The following IMMP2L variants were observed in gnomAD, a reference collection of about 807,000 sequenced individuals.
The protein encoded by IMMP2L is mitochondrial inner membrane protease subunit 2.
IMMP2L carries 18 observed loss-of-function variants against 19.3 expected under a neutral mutation model. That is an observed-to-expected ratio of 0.93 (90% CI 0.64 to 1.38). The LOEUF is 1.38. Among genes scored for constraint, IMMP2L ranks in the 40% most tolerant of loss-of-function variants. The pLI is 0.00. For missense variants in IMMP2L, 233 were observed against 218.2 expected (o/e 1.07, Z -0.43); for synonymous variants, 76 against 73.0 (o/e 1.04, Z -0.21).
intron 5 of IMMP2L, among the ~76,000 whole-genome samples, chr7:110,748,592 CCA>C (rs1797516267): frequency 1.3e-5 from 2 of 152,070 alleles, no homozygotes; most frequent in Non-Finnish European, 2.9e-5. Flanking sequence ...AGAAATAATG[CCA>C]CACATACACA....
rs146065407 is a variant in IMMP2L, at chr7:111,525,831, C to G, written c.-2-4382G>C. Among the ~76,000 whole-genome samples, 511 of 152,120 alleles carry G rather than the reference C, an allele frequency of 3.4e-3. 2 individuals carry two copies. Among genetic ancestry groups the G allele is most frequent in the African/African-American group, 0.012 (481 of 41,520 alleles). ...CAAACAAGCAGATGTGCTCCCTGCCCTCAAGGAGTTACAATATACCAAGGA... is the reference window on the plus strand; with the variant it reads ...CAAACAAGCAGATGTGCTCCCTGCCGTCAAGGAGTTACAATATACCAAGGA... On this transcript the variant is annotated intron_variant, in intron 1 of 5. Transcript: ENST00000405709.
chr7:111,396,142 A>G (rs1832841358), intron 3 of IMMP2L, among the ~76,000 whole-genome samples: 1 of 152,180 alleles, frequency 6.6e-6, no homozygotes, highest in Non-Finnish European at 1.5e-5. Context: ...GTATATACCC[A>G]AAGGATTATA....
At chr7:110,850,522 G>A (rs970573253) in intron 5 of IMMP2L, among the ~76,000 whole-genome samples, 2 of 152,030 alleles carry the variant, frequency 1.3e-5, no homozygotes, top group African/African-American at 2.4e-5. Flanking sequence ...TGGCTGCACT[G>A]CCTATGAGTT....
Position 110,733,546 on chromosome 7 carries a change from C to T in IMMP2L, c.409-69825G>A, listed in dbSNP as rs370064502. ...AGGAAGGAAGAGAAAGAGAGAAGGA[C>T]AGATTTTAGAAGCCAATTCCCAATC... On this transcript the variant is annotated intron_variant, in intron 5 of 5. Coordinates refer to ENST00000405709, the MANE Select transcript of IMMP2L (RefSeq NM_032549.4). 5.6e-4 allele frequency among the ~76,000 whole-genome samples: 85 copies of T among 150,592 alleles called. 2 individuals are homozygous for T. The highest frequency in any genetic ancestry group is 2.0e-3 in the African/African-American group (83 of 41,218).
At chr7:110,939,641 A>G (rs954116323) in intron 4 of IMMP2L, among the ~76,000 whole-genome samples, 3 of 152,170 alleles carry the variant, frequency 2.0e-5, no homozygotes, top group Non-Finnish European at 1.5e-5. Flanking sequence ...TGTTTATGGA[A>G]GATAACAAAT....
At chr7:111,041,315 C>T (rs1030670109) in intron 3 of IMMP2L, among the ~76,000 whole-genome samples, 6 of 151,958 alleles carry the variant, frequency 3.9e-5, no homozygotes, top group African/African-American at 1.5e-4. Context: ...ATTTGTTTCA[C>T]AAAATGAGTA....
intron 5 of IMMP2L, among the ~76,000 whole-genome samples, chr7:110,816,538 G>T (rs905756243): frequency 4.0e-5 from 6 of 151,574 alleles, no homozygotes; most frequent in South Asian, 2.1e-4. Flanking sequence ...TTTCTGTCTC[G>T]TTGATCTGTC....
chr7:111,001,073 G>A (rs1474136046), intron 3 of IMMP2L, among the ~76,000 whole-genome samples: 1 of 152,094 alleles, frequency 6.6e-6, no homozygotes, highest in Non-Finnish European at 1.5e-5. Flanking sequence ...TCAAGTTGTT[G>A]GTAATGTGTA....
chr7:110,774,805 C>T (rs1799268825), intron 5 of IMMP2L, among the ~76,000 whole-genome samples: 1 of 151,986 alleles, frequency 6.6e-6, no homozygotes, highest in Admixed American at 6.6e-5. Context: ...ATAATGTTTG[C>T]ACAATGACAA....
rs142144847 is a variant in IMMP2L at position 111,413,941 on chromosome 7, TCA to T, written c.239+73295_239+73296del. Among the ~76,000 whole-genome samples the T allele has an allele frequency of 2.2e-4, 34 of 151,888 alleles. 1 individual carries two copies. The East Asian group carries it at 6.4e-3, about 28-fold the overall frequency. ...GCATCACAAAGATACCCAGTGATAC[TCA>T]CATCCCAGCAAGTTGCAGCAGCACC... On this transcript the variant is annotated intron_variant, in intron 3 of 5. Coordinates refer to ENST00000405709, the MANE Select transcript of IMMP2L (RefSeq NM_032549.4).
chr7:110,720,624 T>C (rs1467263692), intron 5 of IMMP2L, among the ~76,000 whole-genome samples: 1 of 152,202 alleles, frequency 6.6e-6, no homozygotes, highest in Non-Finnish European at 1.5e-5. Context: ...ATCTAGTCTT[T>C]GCTCTACTAC....
At chr7:111,110,506 A>C (rs1197732503) in intron 3 of IMMP2L, among the ~76,000 whole-genome samples, 1 of 152,216 alleles carries the variant, frequency 6.6e-6, no homozygotes, top group East Asian at 1.9e-4. Flanking sequence ...AACAGAAATC[A>C]TGAAAAAGTT....
chr7:110,902,098 T>C (rs923234210), intron 4 of IMMP2L, among the ~76,000 whole-genome samples: 11 of 151,904 alleles, frequency 7.2e-5, no homozygotes, highest in Non-Finnish European at 2.9e-5. Context: ...TCTACATTTA[T>C]AAAAAAAGAT....
intron 1 of IMMP2L, among the ~76,000 whole-genome samples, chr7:111,544,627 A>G (rs1189211652): frequency 6.6e-6 from 1 of 152,174 alleles, no homozygotes; most frequent in African/African-American, 2.4e-5. Flanking sequence ...TATTCTAGAC[A>G]TGTTCTATTC....
intron 3 of IMMP2L, among the ~76,000 whole-genome samples, chr7:111,016,536 A>G (rs999067611): frequency 8.3e-6 from 1 of 120,888 alleles, no homozygotes; most frequent in African/African-American, 3.3e-5. Flanking sequence ...TATATATTAT[A>G]TATTATAATA....
At chr7:110,996,658 C>A (rs2129560480) in intron 3 of IMMP2L, among the ~76,000 whole-genome samples, 1 of 151,842 alleles carries the variant, frequency 6.6e-6, no homozygotes, top group South Asian at 2.1e-4. Context: ...GAGTGAGCTA[C>A]AAAAATATAT....
chr7:111,043,180 C>T (rs915239285), intron 3 of IMMP2L, among the ~76,000 whole-genome samples: 2 of 152,146 alleles, frequency 1.3e-5, no homozygotes, highest in African/African-American at 4.8e-5. Context: ...GTTATATCCT[C>T]CTTTAATTTT....
intron 3 of IMMP2L, among the ~76,000 whole-genome samples, chr7:111,241,260 T>C (rs1008432025): frequency 2.0e-5 from 3 of 151,940 alleles, no homozygotes; most frequent in Admixed American, 6.6e-5. Flanking sequence ...GAGGAATATA[T>C]AATATAAAAT....
intron 3 of IMMP2L, among the ~76,000 whole-genome samples, chr7:111,121,629 G>A (rs913451311): frequency 6.6e-5 from 10 of 152,180 alleles, no homozygotes; most frequent in Admixed American, 1.3e-4. Context: ...TACACTGTTG[G>A]TGGGGCTGTA....
Sources: gnomAD v4.1 joint callset for allele counts (sites outside exome capture counted in the v4.1 genomes callset) on GRCh38, gnomAD v4.1.1 for gene constraint, MANE v1.5 for transcripts, NCBI Gene and HGNC (gene_info 2026-07-23, HGNC 2026-07-21) for gene names.